The following HHAT variants were observed in gnomAD, a reference collection of about 807,000 sequenced individuals.
The protein encoded by HHAT is protein-cysteine N-palmitoyltransferase HHAT.
HHAT carries 47 observed loss-of-function variants against 70.8 expected under a neutral mutation model. The observed-to-expected ratio is 0.66, with a 90% CI of 0.53 to 0.85. The LOEUF is 0.85. Among genes scored for constraint, HHAT ranks in the 40% least tolerant of loss-of-function variants. The pLI, the probability that HHAT is intolerant of heterozygous loss-of-function variation, is 0.00. For missense variants in HHAT, 609 were observed against 604.8 expected (o/e 1.01, Z -0.07); for synonymous variants, 228 against 247.6 (o/e 0.92, Z 0.74).
intron 9 of HHAT, among the ~76,000 whole-genome samples, chr1:210,570,592 G>A (rs527637165): frequency 3.9e-5 from 6 of 152,312 alleles, no homozygotes; most frequent in South Asian, 2.1e-4. Context: ...CCAGGAGTGC[G>A]TGTGGAGTGG....
At chr1:210,660,853 G>C (rs563345983) in intron 11 of HHAT, among the ~76,000 whole-genome samples, 285 of 152,184 alleles carry the variant, frequency 1.9e-3, no homozygotes, top group African/African-American at 6.7e-3. Context: ...GGGAAAACTG[G>C]CCAGCCATAT....
chr1:210,547,159 G>A (rs139428731), intron 9 of HHAT, among the ~76,000 whole-genome samples: 8 of 152,192 alleles, frequency 5.3e-5, no homozygotes, highest in Admixed American at 2.0e-4. Flanking sequence ...GTGGAACCCC[G>A]TTGCTACTAA....
intron 9 of HHAT, among the ~76,000 whole-genome samples, chr1:210,548,256 C>T (rs1242996214): frequency 6.6e-6 from 1 of 152,200 alleles, no homozygotes; most frequent in African/African-American, 2.4e-5. Context: ...CAACAACTGT[C>T]TGGTCTGACC....
intron 10 of HHAT, among the ~76,000 whole-genome samples, chr1:210,601,430 T>C (rs1302806932): frequency 6.6e-6 from 1 of 152,140 alleles, no homozygotes; most frequent in Admixed American, 6.5e-5. Context: ...CTCATGGCCT[T>C]CTATTCCTCC....
intron 7 of HHAT, among the ~76,000 whole-genome samples, chr1:210,434,355 A>T (rs1244789802): frequency 1.3e-5 from 2 of 151,856 alleles, no homozygotes; most frequent in Non-Finnish European, 2.9e-5. Context: ...GGGAAATGTG[A>T]TAGTGATTAT....
intron 1 of HHAT, among the ~76,000 whole-genome samples, chr1:210,331,827 G>C (rs1433533170): frequency 1.0e-5 from 1 of 95,360 alleles, no homozygotes; most frequent in Non-Finnish European, 2.0e-5. Flanking sequence ...GGAGTTCATT[G>C]AGGAGGTAAG....
chr1:210,333,165 CT>C (rs1252283673), intron 1 of HHAT, among the ~76,000 whole-genome samples: 1 of 152,212 alleles, frequency 6.6e-6, no homozygotes, highest in Non-Finnish European at 1.5e-5. Flanking sequence ...CATTAAGCTA[CT>C]TGTTACTTGA....
intron 8 of HHAT, among the ~76,000 whole-genome samples, chr1:210,498,344 T>A (rs1482871802): frequency 2.0e-5 from 3 of 152,234 alleles, no homozygotes; most frequent in African/African-American, 7.2e-5. Flanking sequence ...ACAGTATGAT[T>A]CTTATTTCTT....
chr1:210,650,539 T>C (rs986609956), intron 11 of HHAT, among the ~76,000 whole-genome samples: 2 of 152,196 alleles, frequency 1.3e-5, no homozygotes, highest in African/African-American at 2.4e-5. Flanking sequence ...GTCTGATTAT[T>C]TTTTCTTTTC....
intron 9 of HHAT, among the ~76,000 whole-genome samples, chr1:210,560,827 A>C (rs866804236): frequency 3.5e-4 from 43 of 122,330 alleles, no homozygotes; most frequent in African/African-American, 1.2e-3. Flanking sequence ...AAAAAAAAAA[A>C]AAAAAAAAAA....
chr1:210,334,175 G>A (rs694602), intron 1 of HHAT, among the ~76,000 whole-genome samples: 80,424 of 119,426 alleles, frequency 0.67, 27,960 homozygotes, highest in African/African-American at 0.91. Flanking sequence ...ACTTTAGCGT[G>A]TCATTTTTTT....
intron 11 of HHAT, among the ~76,000 whole-genome samples, chr1:210,647,085 G>A (rs1311978460): frequency 6.6e-6 from 1 of 152,186 alleles, no homozygotes; most frequent in Admixed American, 6.5e-5. Context: ...CAGTTCTGGA[G>A]GCTTGAAGTC....
chr1:210,486,758 T>C (rs765217120), intron 8 of HHAT, among the ~76,000 whole-genome samples: 28 of 152,178 alleles, frequency 1.8e-4, no homozygotes, highest in Non-Finnish European at 3.8e-4. Flanking sequence ...ATCAAGAGCA[T>C]TCATCTCAGG....
intron 7 of HHAT, among the ~76,000 whole-genome samples, chr1:210,446,090 G>C (rs12119268): frequency 0.11 from 16,698 of 152,240 alleles, 1,162 homozygotes; most frequent in East Asian, 0.21. Flanking sequence ...ACTGTGGGAA[G>C]AGCGCAAAGG....
At chr1:210,390,950 G>T (rs1279779093) in intron 4 of HHAT, among the ~76,000 whole-genome samples, 2 of 152,348 alleles carry the variant, frequency 1.3e-5, no homozygotes, top group African/African-American at 4.8e-5. Context: ...AAATTAGGCT[G>T]CTATAAACAT....
intron 9 of HHAT, among the ~76,000 whole-genome samples, chr1:210,574,674 A>G (rs1009973594): frequency 9.9e-5 from 15 of 152,206 alleles, no homozygotes; most frequent in African/African-American, 3.1e-4. Flanking sequence ...GTATACACCT[A>G]TCAGGGCCAT....
chr1:210,632,294 G>A (rs1368061055), intron 11 of HHAT, among the ~76,000 whole-genome samples: 2 of 152,196 alleles, frequency 1.3e-5, no homozygotes, highest in Admixed American at 6.5e-5. Context: ...CCCGAGGTTT[G>A]TCATCTCACA....
intron 2 of HHAT, among the ~76,000 whole-genome samples, chr1:210,358,808 C>G (rs1005665544): frequency 1.3e-5 from 2 of 152,174 alleles, no homozygotes; most frequent in African/African-American, 4.8e-5. Flanking sequence ...TGCCCTCTTA[C>G]TACACACACC....
At chr1:210,651,892 G>C (rs541398449) in intron 11 of HHAT, among the ~76,000 whole-genome samples, 1 of 152,316 alleles carries the variant, frequency 6.6e-6, no homozygotes, top group East Asian at 1.9e-4. Flanking sequence ...CCAGGAAAGG[G>C]GCTAATGGAG....
Sources: gnomAD v4.1 joint callset for allele counts (sites outside exome capture counted in the v4.1 genomes callset) on GRCh38, gnomAD v4.1.1 for gene constraint, MANE v1.5 for transcripts, NCBI Gene and HGNC (gene_info 2026-07-23, HGNC 2026-07-21) for gene names.